DPF3: variants seen among roughly 807,000 people sequenced by gnomAD.
The protein encoded by DPF3 is zinc finger protein DPF3.
A neutral mutation model predicts 56.8 loss-of-function variants in DPF3; 18 were observed. The observed-to-expected ratio is 0.32, with a 90% CI of 0.22 to 0.47. DPF3 has a LOEUF of 0.47. DPF3 is among the 20% of genes least tolerant of loss of function. The pLI, the probability that DPF3 is intolerant of heterozygous loss-of-function variation, is 1.00. For missense variants in DPF3, 403 were observed against 488.8 expected (o/e 0.82, Z 1.65); for synonymous variants, 188 against 180.2 (o/e 1.04, Z -0.35).
intron 1 of DPF3, among the ~76,000 whole-genome samples, chr14:72,791,301 TC>T (rs918423347): frequency 1.3e-5 from 2 of 152,118 alleles, no homozygotes; most frequent in African/African-American, 4.8e-5. Context: ...CCTCTGCCCC[TC>T]CCCCAGGTCC....
intron 8 of DPF3, among the ~76,000 whole-genome samples, chr14:72,659,294 A>G (rs1404716994): frequency 6.6e-6 from 1 of 152,196 alleles, no homozygotes; most frequent in Non-Finnish European, 1.5e-5. Context: ...CATGTTTCCG[A>G]GTGGATGAGG....
chr14:72,701,557 G>A (rs756724286), intron 6 of DPF3, among the ~76,000 whole-genome samples: 3 of 152,092 alleles, frequency 2.0e-5, no homozygotes, highest in Admixed American at 1.3e-4. Flanking sequence ...GGGTCGGGGG[G>A]AGCAGGGAGG....
At chr14:72,743,085 G>C (rs1198524069) in intron 3 of DPF3, among the ~76,000 whole-genome samples, 1 of 152,128 alleles carries the variant, frequency 6.6e-6, no homozygotes, top group Non-Finnish European at 1.5e-5. Flanking sequence ...CATCCTGGTC[G>C]TTCATCCCCA....
intron 8 of DPF3, among the ~76,000 whole-genome samples, chr14:72,651,647 T>C (rs1461211909): frequency 6.6e-6 from 1 of 152,028 alleles, no homozygotes; most frequent in African/African-American, 2.4e-5. Context: ...AAGATGGAGG[T>C]GGAATCTCCT....
In DPF3 at chr14:72,618,637, C is replaced by A. The variant is rs1386260217; in HGVS notation, c.*660G>T. Among the ~76,000 whole-genome samples, 1 of 152,154 alleles carries A rather than the reference C, an allele frequency of 6.6e-6. No homozygotes were observed. The highest frequency in any genetic ancestry group is 1.5e-5 in the Non-Finnish European group (1 of 68,024). ...CAATGTTTCCTCCCATGTCTCTGCG[C>A]GTCTCCCTCCCTCCCCGCCCCCATC... On this transcript the variant is annotated 3_prime_UTR_variant, in exon 11 of 11. Transcript: ENST00000556509.
chr14:72,861,153 G>A (rs1014589839), intron 1 of DPF3, among the ~76,000 whole-genome samples: 2 of 151,554 alleles, frequency 1.3e-5, no homozygotes, highest in African/African-American at 2.4e-5. Flanking sequence ...CTATCTGTCT[G>A]TCTCCTTCCT....
In DPF3 at chr14:72,659,527, C is replaced by G. The variant is rs4899438; in HGVS notation, c.871+14713G>C. Among the ~76,000 whole-genome samples the G allele has an allele frequency of 3.4e-3, 513 of 152,268 alleles. 4 individuals carry two copies. The highest frequency in any genetic ancestry group is 0.025 in the Admixed American group (388 of 15,300). On this transcript the variant is annotated intron_variant, in intron 8 of 10. Coordinates refer to ENST00000556509, the MANE Select transcript of DPF3 (RefSeq NM_001280542.3). ...TTAGTTATTTACATGGATAGTACAC[C>G]TTCATGCCAGACCTCTCATCCCTGT... is the stretch of plus-strand genomic sequence containing the variant.
chr14:72,678,910 A>C (rs1887032878), intron 7 of DPF3, among the ~76,000 whole-genome samples: 1 of 152,234 alleles, frequency 6.6e-6, no homozygotes, highest in Non-Finnish European at 1.5e-5. Context: ...AAAAAAATGG[A>C]AATCAGGAAC....
intron 5 of DPF3, among the ~76,000 whole-genome samples, chr14:72,718,987 G>T (rs992588892): frequency 1.3e-5 from 2 of 151,018 alleles, no homozygotes; most frequent in Non-Finnish European, 2.9e-5. Context: ...AGCCAGGATG[G>T]TCTCAATCTC....
At chr14:72,864,389 G>A (rs1362722772) in intron 1 of DPF3, among the ~76,000 whole-genome samples, 1 of 152,152 alleles carries the variant, frequency 6.6e-6, no homozygotes, top group African/African-American at 2.4e-5. Flanking sequence ...TGTGTTTTTG[G>A]TCAGTGTCGG....
chr14:72,852,512 T>G (rs1216927402), intron 1 of DPF3, among the ~76,000 whole-genome samples: 1 of 152,240 alleles, frequency 6.6e-6, no homozygotes, highest in Non-Finnish European at 1.5e-5. Flanking sequence ...GGCACTGCCC[T>G]GCCTGGCTGC....
chr14:72,815,987 T>A (rs1883264706), intron 1 of DPF3, among the ~76,000 whole-genome samples: 1 of 152,228 alleles, frequency 6.6e-6, no homozygotes, highest in Admixed American at 6.5e-5. Flanking sequence ...CCAGGGTGTG[T>A]AATGTAACAT....
At chr14:72,786,616 G>GT (rs1892222302) in intron 1 of DPF3, among the ~76,000 whole-genome samples, 1 of 152,146 alleles carries the variant, frequency 6.6e-6, no homozygotes, top group African/African-American at 2.4e-5. Flanking sequence ...CCGACTCCTG[G>GT]TTTTTAACAT....
chr14:72,670,007 G>A (rs1886598756), intron 8 of DPF3: 2 of 985,860 alleles, frequency 2.0e-6, no homozygotes, highest in Non-Finnish European at 2.4e-6. Flanking sequence ...GAGGTGGGTG[G>A]CCTTCTCCAT....
chr14:72,885,369 G>T lies in DPF3; in HGVS notation c.32+8688C>A, dbSNP rs200449704. On this transcript the variant is annotated intron_variant, in intron 1 of 10. Transcript: ENST00000556509. The stretch of plus-strand genomic sequence containing the variant: ...TAGAAATGTAGCCGCTAATTTTTTG[G>T]GTTTGTTTGTTTGTTTGTTTGTTTG... Among the ~76,000 whole-genome samples, 32 of 149,220 alleles carry T rather than the reference G, an allele frequency of 2.1e-4. No homozygotes were observed. In the East Asian group the frequency reaches 5.2e-3, roughly 24 times the overall value.
chr14:72,727,944 C>A (rs1889475266), intron 4 of DPF3, among the ~76,000 whole-genome samples: 3 of 152,158 alleles, frequency 2.0e-5, no homozygotes, highest in Admixed American at 6.5e-5. Context: ...AGACAGCAGA[C>A]CCATGCGCTG....
intron 7 of DPF3, among the ~76,000 whole-genome samples, chr14:72,692,818 T>TGCTTAACAC (rs1380472168): frequency 6.6e-6 from 1 of 152,194 alleles, no homozygotes; most frequent in African/African-American, 2.4e-5. Flanking sequence ...CTTTCTCTTC[T>TGCTTAACAC]GCTTAACACT....
chr14:72,626,544 C>A (rs150644719), intron 9 of DPF3, among the ~76,000 whole-genome samples: 66 of 152,246 alleles, frequency 4.3e-4, no homozygotes, highest in African/African-American at 1.4e-3. Context: ...TAGTACTCCA[C>A]TGTATGGCTG....
intron 6 of DPF3, among the ~76,000 whole-genome samples, chr14:72,702,670 C>G (rs1049600180): frequency 1.3e-5 from 2 of 152,166 alleles, no homozygotes; most frequent in African/African-American, 4.8e-5. Context: ...ACAACCAATT[C>G]CCCCGAGCAG....
Sources: allele counts gnomAD v4.1 joint callset (sites outside exome capture counted in the v4.1 genomes callset), GRCh38; gene constraint gnomAD v4.1.1; transcripts MANE v1.5; gene names NCBI Gene and HGNC (gene_info 2026-07-23, HGNC 2026-07-21).